MAP2: variants seen among roughly 807,000 people sequenced by gnomAD.
MAP2 encodes microtubule-associated protein 2.
Under a neutral mutation model 137.6 loss-of-function variants are expected in MAP2, and 14 were observed. The observed-to-expected ratio is 0.10, with a 90% CI of 0.07 to 0.16. The LOEUF is 0.16. Ranked by LOEUF, MAP2 falls within the 10% of genes least tolerant of loss-of-function variation. MAP2 has a pLI of 1.00. For synonymous variants in MAP2, 786 were observed against 782.3 expected (o/e 1.00, Z -0.08); for missense variants, 2,088 against 2,191.5 (o/e 0.95, Z 0.94).
chr2:209,532,910 G>A (rs2065346592), intron 2 of MAP2, among the ~76,000 whole-genome samples: 1 of 152,072 alleles, frequency 6.6e-6, no homozygotes, highest in African/African-American at 2.4e-5. Flanking sequence ...CCTGCTCTCT[G>A]GTGAACTCAT....
rs1167118261 is a variant in MAP2 at position 209,580,055 on chromosome 2, A to G, written c.-152A>G. On this transcript the variant is annotated 5_prime_UTR_variant, in exon 3 of 16. Coordinates refer to ENST00000682079, the MANE Select transcript of MAP2 (RefSeq NM_001375505.1). ...CGGTAGATTCTTCAGCTTGTCTCTA[A>G]CCGAGGAAGCATTGATTGGGAGCTA... The G allele has an allele frequency of 6.6e-6, 1 of 151,152 alleles. No individual in the cohort carries two copies. Among genetic ancestry groups the G allele is most frequent in the Non-Finnish European group, 1.5e-5 (1 of 67,868 alleles). The allele number at this position is 151,152 out of a possible 1,614,324, so 9.4% of individuals were successfully genotyped here. A position where few individuals can be genotyped will look rare whatever the true frequency, so the allele number is the denominator to read the frequency against.
At chr2:209,582,653 TAGATGATAGATA>T (rs1559351172) in intron 3 of MAP2, among the ~76,000 whole-genome samples, 1 of 134,712 alleles carries the variant, frequency 7.4e-6, no homozygotes, top group African/African-American at 2.7e-5. Flanking sequence ...GATAGATAGA[TAGATGATAGATA>T]GATAGATAGA....
At chr2:209,547,442 A>G (rs41405552) in intron 2 of MAP2, among the ~76,000 whole-genome samples, 1,572 of 152,270 alleles carry the variant, frequency 0.01, 29 homozygotes, top group African/African-American at 0.036. Context: ...TTCAGGGTAA[A>G]TGAGTGCCAA....
At chr2:209,491,554 A>G (rs2059120590) in intron 1 of MAP2, among the ~76,000 whole-genome samples, 1 of 152,196 alleles carries the variant, frequency 6.6e-6, no homozygotes, top group African/African-American at 2.4e-5. Context: ...ACCACTAGCC[A>G]GACCAATAAA....
At chr2:209,557,381 A>G (rs1578161362) in intron 2 of MAP2, among the ~76,000 whole-genome samples, 1 of 152,316 alleles carries the variant, frequency 6.6e-6, no homozygotes, top group East Asian at 1.9e-4. Context: ...CAATTCTTCA[A>G]GAATGGTATG....
intron 3 of MAP2, among the ~76,000 whole-genome samples, chr2:209,582,834 C>T (rs534892519): frequency 3.9e-5 from 6 of 152,128 alleles, no homozygotes; most frequent in East Asian, 3.9e-4. Flanking sequence ...AACAATGTGA[C>T]GGACAGTATC....
chr2:209,729,998 T>TG, intron 15 of MAP2, 36 bp downstream of exon 15: 1 of 1,424,764 alleles, frequency 7.0e-7, no homozygotes, highest in Non-Finnish European at 9.8e-7. Flanking sequence ...CTTGTCTTTT[T>TG]AAAAAAAATT....
At chr2:209,513,566 G>A (rs78115211) in intron 2 of MAP2, among the ~76,000 whole-genome samples, 1 of 35,522 alleles carries the variant, frequency 2.8e-5, no homozygotes, top group Non-Finnish European at 9.8e-5. Context: ...GCGTATATGT[G>A]TGTATGTTTT....
intron 3 of MAP2, among the ~76,000 whole-genome samples, chr2:209,589,517 C>G (rs577586740): frequency 6.6e-6 from 1 of 152,258 alleles, no homozygotes; most frequent in African/African-American, 2.4e-5. Flanking sequence ...GCGACCTCTA[C>G]TAAGTGGATT....
intron 3 of MAP2, among the ~76,000 whole-genome samples, chr2:209,615,356 T>C (rs1212571054): frequency 6.6e-6 from 1 of 152,152 alleles, no homozygotes; most frequent in African/African-American, 2.4e-5. Context: ...CTTAAGAACC[T>C]TACAAAAGGC....
intron 2 of MAP2, among the ~76,000 whole-genome samples, chr2:209,534,249 C>A (rs958102859): frequency 1.3e-5 from 2 of 152,212 alleles, no homozygotes; most frequent in African/African-American, 4.8e-5. Flanking sequence ...TTAGCCCTTA[C>A]AACAAGTTGG....
intron 1 of MAP2, among the ~76,000 whole-genome samples, chr2:209,505,200 A>G (rs2060886652): frequency 6.6e-6 from 1 of 152,176 alleles, no homozygotes; most frequent in Non-Finnish European, 1.5e-5. Flanking sequence ...TATCTCAGTA[A>G]TTTTATTTTC....
intron 7 of MAP2, among the ~76,000 whole-genome samples, chr2:209,690,144 G>A (rs1459819435): frequency 6.6e-6 from 1 of 151,932 alleles, no homozygotes; most frequent in Non-Finnish European, 1.5e-5. Context: ...CTTATGTAGG[G>A]GCTTCCTGCA....
rs2060272962 is a variant in MAP2 at position 209,696,751 on chromosome 2, T to C, written c.4387+3T>C. On this transcript the variant is annotated splice_donor_region_variant and intron_variant, in intron 9 of 15. Transcript: ENST00000682079. Reference sequence around the variant, plus strand: ...AGATGAAGTGAGAAGGAAAAAAGGTTCATTTAACAATCACTTCTTTAAAAA... The same window carrying C: ...AGATGAAGTGAGAAGGAAAAAAGGTCCATTTAACAATCACTTCTTTAAAAA... 7.5e-6 allele frequency: 12 copies of C among 1,598,758 alleles called. No individual in the cohort carries two copies. The highest frequency in any genetic ancestry group is 1.0e-5 in the Non-Finnish European group (12 of 1,175,742).
chr2:209,554,786 G>A (rs16843080), intron 2 of MAP2, among the ~76,000 whole-genome samples: 2,986 of 151,140 alleles, frequency 0.02, 95 homozygotes, highest in African/African-American at 0.068. Flanking sequence ...ATAAAAGCTC[G>A]TTTTGGGACT....
intron 1 of MAP2, among the ~76,000 whole-genome samples, chr2:209,434,405 G>A (rs931319967): frequency 6.6e-6 from 1 of 151,684 alleles, no homozygotes; most frequent in Non-Finnish European, 1.5e-5. Flanking sequence ...TTTTATAATG[G>A]GGTATTTAAT....
intron 3 of MAP2, among the ~76,000 whole-genome samples, chr2:209,604,058 A>C (rs533361170): frequency 6.6e-6 from 1 of 152,086 alleles, no homozygotes; most frequent in African/African-American, 2.4e-5. Context: ...GTGTGTATTC[A>C]CTAGTTTGTA....
At position 209,424,909 on chromosome 2, in the gene MAP2, G is replaced by T. The variant is rs576805951; in HGVS notation, c.-222+633G>T. 4.0e-5 allele frequency among the ~76,000 whole-genome samples: 6 copies of T among 150,446 alleles called. No homozygotes were observed. In the South Asian group the frequency reaches 1.1e-3, roughly 28 times the overall value. On this transcript the variant is annotated intron_variant, in intron 1 of 15. Transcript: ENST00000682079. Reference sequence around the variant, plus strand: ...CACACAGTCGTTTTTCTTTTTAAACGTTGGGGGTGGACCTCTGAATCTACA... The same window carrying T: ...CACACAGTCGTTTTTCTTTTTAAACTTTGGGGGTGGACCTCTGAATCTACA...
intron 1 of MAP2, among the ~76,000 whole-genome samples, chr2:209,485,993 T>C (rs960260158): frequency 6.6e-6 from 1 of 152,194 alleles, no homozygotes; most frequent in African/African-American, 2.4e-5. Flanking sequence ...CTACCATTCA[T>C]TGTCTAACCT....
Sources: allele counts gnomAD v4.1 joint callset (sites outside exome capture counted in the v4.1 genomes callset), GRCh38; gene constraint gnomAD v4.1.1; transcripts MANE v1.5; gene names NCBI Gene and HGNC (gene_info 2026-07-23, HGNC 2026-07-21).